Variants in RASSF1 observed in about 807,000 individuals in gnomAD.
RASSF1 encodes Ras association domain family member 1.
A neutral mutation model predicts 34.3 loss-of-function variants in RASSF1; 33 were observed. The observed-to-expected ratio is 0.96, with a 90% CI of 0.73 to 1.29. The LOEUF is 1.29. Among genes scored for constraint, RASSF1 ranks in the 50% most tolerant of loss-of-function variants. The pLI is 0.00. For missense variants in RASSF1, 445 were observed against 471.8 expected (o/e 0.94, Z 0.53); for synonymous variants, 191 against 195.0 (o/e 0.98, Z 0.17).
intron 2 of RASSF1, 191 bp downstream of exon 2, chr3:50,337,714 G>A: frequency 1.2e-6 from 1 of 835,938 alleles, no homozygotes; most frequent in Non-Finnish European, 1.9e-6. Flanking sequence ...GCTTGCAGCG[G>A]GTGGAGTACT....
chr3:50,332,184 C>T (rs765497453), intron 2 of RASSF1, 30 bp from the exon 3 acceptor site: 3 of 1,600,036 alleles, frequency 1.9e-6, no homozygotes, highest in Non-Finnish European at 1.7e-6. Flanking sequence ...GGACACAGGG[C>T]CCTTGAGGAA....
chr3:50,340,460 C>T, intron 1 of RASSF1, 96 bp downstream of exon 1: 2 of 1,362,452 alleles, frequency 1.5e-6, no homozygotes, highest in Non-Finnish European at 1.9e-6. Context: ...GGGAGCTGTC[C>T]CCGCCGACCC....
intron 2 of RASSF1, chr3:50,337,620 A>G (rs1158894120): frequency 4.6e-6 from 5 of 1,097,434 alleles, no homozygotes; most frequent in East Asian, 2.7e-5. Flanking sequence ...CAAGCGCACA[A>G]GAGTGGCCTC....
At position 50,330,476 on chromosome 3, in the gene RASSF1, G is replaced by A. The variant is rs1702892601; in HGVS notation, c.*105C>T. On this transcript the variant is annotated 3_prime_UTR_variant, in exon 6 of 6. Transcript: ENST00000359365. The surrounding 1 kb of genome is among the most constrained non-coding windows in gnomAD (Gnocchi z 4.5). ...GGGCTCATTCCCCCAGCACAGGAGG[G>A]CCTCCATGCACACTCATTCCACAGG... 2.1e-6 allele frequency: 3 copies of A among 1,456,534 alleles called. No individual in the cohort carries two copies. Among genetic ancestry groups the A allele is most frequent in the Admixed American group, 3.7e-5 (2 of 54,616 alleles). 90.2% of individuals were successfully genotyped at this position (1,456,534 alleles called of 1,614,324 possible).
At position 50,331,570 on chromosome 3, in the gene RASSF1, C is replaced by A; in HGVS notation, c.749G>T (p.Arg250Leu). The A allele has an allele frequency of 1.3e-6, 2 of 1,589,872 alleles. No individual in the cohort carries two copies. The highest frequency in any genetic ancestry group is 1.7e-6 in the Non-Finnish European group (2 of 1,161,182). ...RKFALFERAE[R>L]HGQVYLRKLL... is the part of the protein sequence containing the mutation. ...GGTGGGAAGCCCACCTTGGCCGTGA[C>A]GCTCAGCGCGCTCAAAGAGTGCAAA... Residue 250 changes from arginine (R) to leucine (L), a missense_variant, in exon 4 of 6, where the codon CGT becomes CTT. By Grantham distance (102) the Arg-to-Leu change is moderately radical (BLOSUM62 -2). Coordinates refer to ENST00000359365, the MANE Select transcript of RASSF1 (RefSeq NM_007182.5).
chr3:50,340,505 G>A, intron 1 of RASSF1, 51 bp downstream of exon 1: 1 of 1,409,466 alleles, frequency 7.1e-7, no homozygotes. Flanking sequence ...CGACTGCGCT[G>A]CCCCTTGGCT....
At chr3:50,338,115 G>C in intron 1 of RASSF1, 104 bp from the exon 2 acceptor site, 3 of 1,501,088 alleles carry the variant, frequency 2.0e-6, no homozygotes, top group Non-Finnish European at 2.7e-6. Flanking sequence ...GCCAGGCTCC[G>C]CAGGCCCGAC....
Position 50,332,163 on chromosome 3 carries a change from TG to T in RASSF1, c.358-10del. ...CACTCCACAGGCTCGTCCTGCAAGA[TG>T]GGCCAGCATGGACACAGGGCCCTTG... On this transcript the variant is annotated splice_polypyrimidine_tract_variant and intron_variant, in intron 2 of 5. Coordinates refer to ENST00000359365, the MANE Select transcript of RASSF1 (RefSeq NM_007182.5). 1.9e-6 allele frequency: 3 copies of T among 1,613,138 alleles called. No individual in the cohort carries two copies. The highest frequency in any genetic ancestry group is 2.5e-6 in the Non-Finnish European group (3 of 1,179,150).
At chr3:50,333,522 G>A (rs142211355) in intron 2 of RASSF1, among the ~76,000 whole-genome samples, 120 of 152,052 alleles carry the variant, frequency 7.9e-4, no homozygotes, top group African/African-American at 2.8e-3. Flanking sequence ...TGTCGCCCAG[G>A]CTGTAGTGCA....
In RASSF1 at chr3:50,332,114, G is replaced by T. The variant is rs149757510; in HGVS notation, c.398C>A (p.Ala133Asp). ...CTCCTTGATCTTCTGCTCAATCTCA[G>T]CTTGAGAAAGGTCAGGTGTCTCCCA... ...VEWETPDLSQ[A>D]EIEQKIKEYN... Residue 133 changes from alanine (A) to aspartate (D), a missense_variant, in exon 3 of 6, where the codon GCT becomes GAT. Physicochemically the swap from Ala to Asp is moderately radical, Grantham distance 126. Coordinates refer to ENST00000359365, the MANE Select transcript of RASSF1 (RefSeq NM_007182.5). The T allele has an allele frequency of 1.9e-6, 3 of 1,614,160 alleles. No individual in the cohort carries two copies. In the African/African-American group the frequency reaches 4.0e-5, roughly 22 times the overall value.
intron 1 of RASSF1, among the ~76,000 whole-genome samples, chr3:50,340,155 C>G (rs1660231651): frequency 6.6e-6 from 1 of 152,146 alleles, no homozygotes; most frequent in African/African-American, 2.4e-5. Flanking sequence ...CTAAATTTTT[C>G]CAGGCTCCCT....
intron 5 of RASSF1, 119 bp downstream of exon 5, chr3:50,331,215 T>C (rs1702921643): frequency 1.2e-6 from 1 of 805,612 alleles, no homozygotes; most frequent in Admixed American, 3.2e-5. Context: ...GCCTATACAC[T>C]CCTGGAACTG....
At chr3:50,337,324 G>A in intron 2 of RASSF1, 1 of 1,611,148 alleles carries the variant, frequency 6.2e-7, no homozygotes, top group Non-Finnish European at 8.5e-7. Context: ...GCCCATAGCC[G>A]TACCCGCCCG....
Position 50,330,528 on chromosome 3 carries a change from G to A in RASSF1, c.*53C>T, listed in dbSNP as rs1311517028. The stretch of plus-strand genomic sequence containing the variant: ...CCCACTGGCCCTGTCACACTCACAC[G>A]GCACGCACTTGGCGCTGCCTGCTGT... On this transcript the variant is annotated 3_prime_UTR_variant, in exon 6 of 6. Coordinates refer to ENST00000359365, the MANE Select transcript of RASSF1 (RefSeq NM_007182.5). The surrounding 1 kb of genome is among the most constrained non-coding windows in gnomAD (Gnocchi z 4.5). The A allele has an allele frequency of 2.5e-6, 4 of 1,603,936 alleles. No homozygotes were observed. Among genetic ancestry groups the A allele is most frequent in the African/African-American group, 1.3e-5 (1 of 74,750 alleles).
chr3:50,337,112 G>C, intron 2 of RASSF1: 1 of 1,503,828 alleles, frequency 6.6e-7, no homozygotes, highest in Non-Finnish European at 8.9e-7. Context: ...CAACGGACCG[G>C]GGAGGGCGGA....
At chr3:50,339,360 C>CT (rs1017192174) in intron 1 of RASSF1, among the ~76,000 whole-genome samples, 4,449 of 104,404 alleles carry the variant, frequency 0.043, 209 homozygotes, top group African/African-American at 0.092. Flanking sequence ...CAGCCTTGTT[C>CT]TTTTTTTTTT....
chr3:50,332,115 C>A lies in RASSF1; in HGVS notation c.397G>T (p.Ala133Ser), dbSNP rs2073498. ...TCCTTGATCTTCTGCTCAATCTCAGCTTGAGAAAGGTCAGGTGTCTCCCAC... is the reference window on the plus strand; with the variant it reads ...TCCTTGATCTTCTGCTCAATCTCAGATTGAGAAAGGTCAGGTGTCTCCCAC... ...VEWETPDLSQ[A>S]EIEQKIKEYN... Residue 133 changes from alanine to serine, a missense_variant, in exon 3 of 6, where the codon GCT becomes TCT. Coordinates refer to ENST00000359365, the MANE Select transcript of RASSF1 (RefSeq NM_007182.5). 169,163 of 1,613,860 alleles carry A rather than the reference C, an allele frequency of 0.1. 9,385 individuals are homozygous for A. The highest frequency in any genetic ancestry group is 0.11 in the Non-Finnish European group (132,001 of 1,179,830).
rs779370030 is a variant in RASSF1, at chr3:50,337,893, C to T, written c.357+12G>A. The T allele has an allele frequency of 6.3e-7, 1 of 1,583,936 alleles. No individual in the cohort carries two copies. The highest frequency in any genetic ancestry group is 8.7e-7 in the Non-Finnish European group (1 of 1,154,414). ...CCTCGCCCTTCCCATACGCCCTCGG[C>T]CCCGCGCTCACCACGTTCGTGTCCC... On this transcript the variant is annotated intron_variant, in intron 2 of 5. Coordinates refer to ENST00000359365, the MANE Select transcript of RASSF1 (RefSeq NM_007182.5).
At chr3:50,337,036 C>T (rs1703163516) in intron 2 of RASSF1, 1 of 1,221,378 alleles carries the variant, frequency 8.2e-7, no homozygotes, top group Non-Finnish European at 1.1e-6. Flanking sequence ...GGGCAGGTCC[C>T]CGGCCAGGAC....
Sources: allele counts gnomAD v4.1 joint callset (sites outside exome capture counted in the v4.1 genomes callset), GRCh38; gene constraint gnomAD v4.1.1; non-coding constraint Gnocchi (gnomAD v3.1); transcripts MANE v1.5; gene names NCBI Gene and HGNC (gene_info 2026-07-23, HGNC 2026-07-21).